Variants in STARD3NL observed in about 807,000 individuals in gnomAD.
STARD3NL encodes the protein STARD3 N-terminal-like protein.
STARD3NL carries 17 observed loss-of-function variants against 30.9 expected under a neutral mutation model. The observed-to-expected ratio is 0.55, with a 90% confidence interval of 0.38 to 0.82. The LOEUF (loss-of-function observed/expected upper bound fraction) is 0.82. STARD3NL is among the 40% of genes least tolerant of loss of function. The pLI, the probability that STARD3NL is intolerant of heterozygous loss-of-function variation, is 0.00. For missense variants in STARD3NL, 234 were observed against 277.6 expected (o/e 0.84, Z 1.12); for synonymous variants, 112 against 100.5 (o/e 1.11, Z -0.69).
intron 7 of STARD3NL, among the ~76,000 whole-genome samples, chr7:38,223,137 G>A (rs751913301): frequency 1.3e-5 from 2 of 151,976 alleles, no homozygotes; most frequent in Non-Finnish European, 2.9e-5. Flanking sequence ...GTTGAAGAAA[G>A]GGATGAAAAG....
chr7:38,229,313 G>A (rs758406956), intron 8 of STARD3NL, among the ~76,000 whole-genome samples: 39 of 152,210 alleles, frequency 2.6e-4, no homozygotes, highest in Non-Finnish European at 2.8e-4. Flanking sequence ...CAGCGCTGGG[G>A]CTCAGGCCCA....
intron 2 of STARD3NL, among the ~76,000 whole-genome samples, chr7:38,208,397 A>G (rs1214417533): frequency 6.6e-6 from 1 of 152,232 alleles, no homozygotes; most frequent in Non-Finnish European, 1.5e-5. Flanking sequence ...AATTGTTTAG[A>G]CCAGTACTGT....
intron 1 of STARD3NL, among the ~76,000 whole-genome samples, chr7:38,193,644 G>A (rs930130794): frequency 6.6e-6 from 1 of 152,176 alleles, no homozygotes; most frequent in Non-Finnish European, 1.5e-5. Flanking sequence ...TGAGGTTTTA[G>A]GAATAAGCTC....
At chr7:38,185,436 A>G (rs924154180) in intron 1 of STARD3NL, among the ~76,000 whole-genome samples, 1 of 152,188 alleles carries the variant, frequency 6.6e-6, no homozygotes, top group Non-Finnish European at 1.5e-5. Context: ...ACCCCTGGGC[A>G]TAGATGTGAA....
At chr7:38,229,713 G>A (rs1786988218) in intron 8 of STARD3NL, among the ~76,000 whole-genome samples, 1 of 152,188 alleles carries the variant, frequency 6.6e-6, no homozygotes, top group South Asian at 2.1e-4. Context: ...CAGTCATGTA[G>A]ACGCGAAGCA....
chr7:38,213,853 GC>G (rs1403662624), intron 2 of STARD3NL, among the ~76,000 whole-genome samples: 1 of 152,150 alleles, frequency 6.6e-6, no homozygotes, highest in Non-Finnish European at 1.5e-5. Context: ...ATCTTTAAAT[GC>G]CAGGAGAAAT....
intron 8 of STARD3NL, 85 bp from the exon 9 acceptor site, chr7:38,229,838 A>C (rs1383929494): frequency 6.6e-6 from 1 of 152,172 alleles, no homozygotes; most frequent in Non-Finnish European, 1.5e-5. Flanking sequence ...CAGCACACAG[A>C]CTTTTATGTA....
intron 2 of STARD3NL, among the ~76,000 whole-genome samples, chr7:38,212,431 A>T (rs1257475592): frequency 6.6e-6 from 1 of 152,198 alleles, no homozygotes; most frequent in Non-Finnish European, 1.5e-5. Context: ...TGTCTTCATT[A>T]TTCTGTCACA....
At chr7:38,213,274 C>G (rs1229904547) in intron 2 of STARD3NL, among the ~76,000 whole-genome samples, 1 of 152,130 alleles carries the variant, frequency 6.6e-6, no homozygotes, top group African/African-American at 2.4e-5. Context: ...GTTTTCAATT[C>G]TATTCATTTG....
At chr7:38,191,937 A>G (rs12539404) in intron 1 of STARD3NL, among the ~76,000 whole-genome samples, 3 of 151,778 alleles carry the variant, frequency 2.0e-5, no homozygotes, top group Admixed American at 2.0e-4. Flanking sequence ...TGGGATTATG[A>G]TTGGGATTGA....
chr7:38,228,971 T>C lies in STARD3NL; in HGVS notation c.*17+100T>C, dbSNP rs1786945789. ...AATTCAAAGAATAAGAGTGTAAGGA[T>C]AGCCAGAGTTATCTTACTTGCATGA... On this transcript the variant is annotated intron_variant, in intron 8 of 8. Coordinates refer to ENST00000009041, the MANE Select transcript of STARD3NL (RefSeq NM_032016.4). The C allele has an allele frequency of 5.4e-6, 4 of 739,592 alleles. No individual in the cohort carries two copies. The Admixed American group carries it at 8.7e-5, about 16-fold the overall frequency. 45.8% of individuals were successfully genotyped at this position (739,592 alleles called of 1,614,324 possible). A position where few individuals can be genotyped will look rare whatever the true frequency, so the allele number is the denominator to read the frequency against.
intron 1 of STARD3NL, among the ~76,000 whole-genome samples, chr7:38,205,554 G>C (rs1785413779): frequency 2.0e-5 from 3 of 151,964 alleles, no homozygotes; most frequent in Admixed American, 6.6e-5. Context: ...ATTCTAATTA[G>C]TTATTTAGGT....
intron 7 of STARD3NL, among the ~76,000 whole-genome samples, chr7:38,227,742 A>T (rs1786858450): frequency 6.6e-6 from 1 of 152,114 alleles, no homozygotes; most frequent in Admixed American, 6.5e-5. Context: ...AAAAATTAGA[A>T]ATCACGTATC....
At chr7:38,194,213 T>A (rs543718102) in intron 1 of STARD3NL, among the ~76,000 whole-genome samples, 2 of 152,178 alleles carry the variant, frequency 1.3e-5, no homozygotes, top group Non-Finnish European at 2.9e-5. Flanking sequence ...TCTTCTATAG[T>A]GGTACTTGTA....
intron 7 of STARD3NL, among the ~76,000 whole-genome samples, chr7:38,219,963 C>T (rs192996538): frequency 2.6e-5 from 4 of 152,246 alleles, no homozygotes; most frequent in Admixed American, 2.6e-4. Flanking sequence ...ACCAAACCAA[C>T]CTCCCTCTAG....
intron 4 of STARD3NL, 117 bp from the exon 5 acceptor site, chr7:38,216,908 G>A (rs752533106): frequency 1.1e-5 from 14 of 1,223,978 alleles, no homozygotes; most frequent in East Asian, 7.1e-5. Flanking sequence ...GCCAGGCTAG[G>A]CACAGGTTTT....
intron 1 of STARD3NL, among the ~76,000 whole-genome samples, chr7:38,189,577 C>G (rs1784599375): frequency 6.6e-6 from 1 of 152,198 alleles, no homozygotes; most frequent in African/African-American, 2.4e-5. Flanking sequence ...CCTGAGCAAA[C>G]TTTAGACCCC....
At chr7:38,197,976 C>T (rs1311075361) in intron 1 of STARD3NL, among the ~76,000 whole-genome samples, 1 of 152,208 alleles carries the variant, frequency 6.6e-6, no homozygotes, top group East Asian at 1.9e-4. Flanking sequence ...TGCAAGACAG[C>T]CAGCTCAGGC....
intron 2 of STARD3NL, among the ~76,000 whole-genome samples, chr7:38,213,499 A>G (rs1785929335): frequency 6.6e-6 from 1 of 152,188 alleles, no homozygotes; most frequent in African/African-American, 2.4e-5. Context: ...GTGTTCCTTA[A>G]TGTTTTCCCT....
Sources: gnomAD v4.1 joint callset for allele counts (sites outside exome capture counted in the v4.1 genomes callset) on GRCh38, gnomAD v4.1.1 for gene constraint, MANE v1.5 for transcripts, NCBI Gene and HGNC (gene_info 2026-07-23, HGNC 2026-07-21) for gene names.